The following CHCHD7 variants were observed in gnomAD, a reference collection of about 807,000 sequenced individuals.
CHCHD7 encodes coiled-coil-helix-coiled-coil-helix domain-containing protein 7.
A neutral mutation model predicts 10.5 loss-of-function variants in CHCHD7; 7 were observed. That is an observed-to-expected ratio of 0.67 (90% confidence interval 0.38 to 1.25). The LOEUF (loss-of-function observed/expected upper bound fraction) is 1.25, where lower values mean the gene tolerates loss of function less well. Ranked by LOEUF, CHCHD7 falls within the 50% of genes most tolerant of loss-of-function variation. The probability of loss-of-function intolerance (pLI) is 0.02; values close to 1 mark genes in which losing one functional copy is unlikely to be tolerated. For missense variants in CHCHD7, 100 were observed against 104.5 expected (o/e 0.96, Z 0.19); for synonymous variants, 40 against 36.0 (o/e 1.11, Z -0.40).
chr8:56,216,682 G>A lies in CHCHD7; in HGVS notation c.153+151G>A, dbSNP rs115836757. The A allele has an allele frequency of 2.0e-3, 1,648 of 839,610 alleles. 14 individuals carry two copies. The African/African-American group carries it at 0.025, about 13-fold the overall frequency. The allele number at this position is 839,610 out of a possible 1,614,324, so 52.0% of individuals were successfully genotyped here. On this transcript the variant is annotated intron_variant, in intron 3 of 3. Coordinates refer to ENST00000355315, the MANE Select transcript of CHCHD7 (RefSeq NM_001011671.3). ...TTATCCTCTGTGTGCTACTTTAGCC[G>A]TGAAAGATCCTTGAGAGCTCTTGTT...
rs558514670 is a variant in CHCHD7 at position 56,215,969 on chromosome 8, T to C, written c.55-464T>C. On this transcript the variant is annotated intron_variant, in intron 2 of 3. Coordinates refer to ENST00000355315, the MANE Select transcript of CHCHD7 (RefSeq NM_001011671.3). ...AATGGTGTTAATTTAGGTTGTCTTG[T>C]TGTAGACCAGTTATTAGTGATTTAC... Among the ~76,000 whole-genome samples, 88 of 152,370 alleles carry C rather than the reference T, an allele frequency of 5.8e-4. 1 individual carries two copies. In the South Asian group the frequency reaches 0.018, roughly 31 times the overall value.
chr8:56,216,610 A>T, intron 3 of CHCHD7, 79 bp downstream of exon 3: 1 of 1,444,884 alleles, frequency 6.9e-7, no homozygotes, highest in South Asian at 1.2e-5. Flanking sequence ...GTCAGTACCC[A>T]CAATCCTTTC....
chr8:56,212,796 T>C (rs1456037660), intron 1 of CHCHD7: 3 of 1,165,620 alleles, frequency 2.6e-6, no homozygotes, highest in Non-Finnish European at 3.9e-6. Context: ...AGGAGGGGAC[T>C]TTCGGAAATC....
Position 56,217,376 on chromosome 8 carries a change from A to T in CHCHD7, c.199A>T (p.Met67Leu). 1 of 1,612,990 alleles carries T rather than the reference A, an allele frequency of 6.2e-7. No individual in the cohort carries two copies. Among genetic ancestry groups the T allele is most frequent in the Non-Finnish European group, 8.5e-7 (1 of 1,178,938 alleles). ...AAGAAAGAACGGAGTGAAGCCATTTATGCCTACGGCAGCAGAAAGAGATGA... is the reference window on the plus strand; with the variant it reads ...AAGAAAGAACGGAGTGAAGCCATTTTTGCCTACGGCAGCAGAAAGAGATGA... ...QRRKNGVKPFMPTAAERDEIL... is the reference protein window; with the variant it reads ...QRRKNGVKPFLPTAAERDEIL... Residue 67 changes from methionine (M) to leucine (L), a missense_variant, in exon 4 of 4, where the codon ATG becomes TTG. Met to Leu is a conservative substitution (Grantham distance 15). Transcript: ENST00000355315.
Position 56,217,360 on chromosome 8 carries a change from C to T in CHCHD7, c.183C>T (p.Asn61=), listed in dbSNP as rs372192635. 1.0e-4 allele frequency: 168 copies of T among 1,611,548 alleles called. 1 individual carries two copies. Among genetic ancestry groups the T allele is most frequent in the Non-Finnish European group, 1.3e-4 (159 of 1,177,948 alleles). Reference sequence around the variant, plus strand: ...CTATCGTGATGCAGAGAAGAAAGAACGGAGTGAAGCCATTTATGCCTACGG... The same window carrying T: ...CTATCGTGATGCAGAGAAGAAAGAATGGAGTGAAGCCATTTATGCCTACGG... The part of the protein sequence containing the change: ...WNSIVMQRRK[N]GVKPFMPTAA... The change falls in exon 4 of 4, where the codon AAC becomes AAT. Residue 61 remains asparagine, a synonymous_variant. Transcript: ENST00000355315.
intron 3 of CHCHD7, chr8:56,216,981 C>A (rs1338021530): frequency 4.7e-6 from 2 of 427,724 alleles, no homozygotes; most frequent in Non-Finnish European, 8.6e-6. Context: ...ACCACGGGAT[C>A]CAGCTATTTC....
rs1813443238 is a variant in CHCHD7 at position 56,217,744 on chromosome 8, C to T, written c.*309C>T. The T allele has an allele frequency of 3.6e-6, 1 of 275,230 alleles. No individual in the cohort carries two copies. Among genetic ancestry groups the T allele is most frequent in the Non-Finnish European group, 6.9e-6 (1 of 143,968 alleles). The allele number at this position is 275,230 out of a possible 1,614,324, so 17.0% of individuals were successfully genotyped here. On this transcript the variant is annotated 3_prime_UTR_variant, in exon 4 of 4. Transcript: ENST00000355315. ...AGAGTATGATGTGAACAAGTAAAGA[C>T]TGAATGGGGCTGAGATGAAGGCAAT...
In CHCHD7 at chr8:56,218,714, T is replaced by A. The variant is rs541478145; in HGVS notation, c.*1279T>A. 66 of 200,498 alleles carry A rather than the reference T, an allele frequency of 3.3e-4. No individual in the cohort carries two copies. The highest frequency in any genetic ancestry group is 1.4e-3 in the African/African-American group (63 of 43,610). The allele number at this position is 200,498 out of a possible 1,614,324, so 12.4% of individuals were successfully genotyped here. Reference sequence around the variant, plus strand: ...ACCTGTGTAAGAAGTATTTTTGTATTTTTAAGCACACTTGTTAAAGGGCTT... The same window carrying A: ...ACCTGTGTAAGAAGTATTTTTGTATATTTAAGCACACTTGTTAAAGGGCTT... On this transcript the variant is annotated 3_prime_UTR_variant, in exon 4 of 4. Transcript: ENST00000355315.
At chr8:56,212,098 C>G (rs959347698) in intron 1 of CHCHD7, 1 of 154,032 alleles carries the variant, frequency 6.5e-6, no homozygotes, top group Non-Finnish European at 1.4e-5. Flanking sequence ...CTCTGAAGCG[C>G]AGTTACCGGC....
intron 2 of CHCHD7, chr8:56,215,494 C>G (rs1163658918): frequency 1.3e-5 from 2 of 152,132 alleles, no homozygotes; most frequent in African/African-American, 4.8e-5. Flanking sequence ...AGCTTGCAGC[C>G]TAGATCCCTC....
At chr8:56,214,704 T>G (rs1813240649) in intron 2 of CHCHD7, 37 bp downstream of exon 2, 1 of 1,541,672 alleles carries the variant, frequency 6.5e-7, no homozygotes, top group East Asian at 2.2e-5. Flanking sequence ...GAGTGTTAAG[T>G]TGGAAAAACA....
intron 2 of CHCHD7, 185 bp downstream of exon 2, chr8:56,214,852 A>C (rs1414912288): frequency 2.0e-6 from 1 of 490,666 alleles, no homozygotes; most frequent in East Asian, 3.0e-5. Flanking sequence ...ACAAACATTC[A>C]TCTTTTCTTT....
Position 56,216,492 on chromosome 8 carries a change from C to CA in CHCHD7, c.115dup (p.Thr39AsnfsTer37). 6.2e-7 allele frequency: 1 copy of CA among 1,614,138 alleles called. No homozygotes were observed. The highest frequency in any genetic ancestry group is 2.2e-5 in the East Asian group (1 of 44,880). On this transcript the variant is annotated frameshift_variant, in exon 3 of 4. Transcript: ENST00000355315. LOFTEE classifies it high-confidence loss of function. ...ATAACTATGACAGGGAAAGGTGTTC[C>CA]ACTTACTTCTTGAGGTACAAAAACT...
At chr8:56,216,843 T>C (rs1189586241) in intron 3 of CHCHD7, 2 of 643,182 alleles carry the variant, frequency 3.1e-6, no homozygotes, top group Non-Finnish European at 5.6e-6. Context: ...ACAGAATGTT[T>C]AACTTCCCTT....
chr8:56,212,156 A>G (rs1813017413), intron 1 of CHCHD7: 1 of 151,226 alleles, frequency 6.6e-6, no homozygotes, highest in Non-Finnish European at 1.5e-5. Context: ...CTCTCTCGGC[A>G]TGGTCTCGGC....
rs1371379854 is a variant in CHCHD7, at chr8:56,215,553, G to GGGATCTAATAGCATTAGATGA, written c.55-878_55-858dup. ...GTTCGTGATATTAGATCCCACAATAGGGATCTAATAGCATTAGATGAGAAT... is the reference window on the plus strand; with the variant it reads ...GTTCGTGATATTAGATCCCACAATAGGGATCTAATAGCATTAGATGAGGATCTAATAGCATTAGATGAGAAT... On this transcript the variant is annotated intron_variant, in intron 2 of 3. Coordinates refer to ENST00000355315, the MANE Select transcript of CHCHD7 (RefSeq NM_001011671.3). The GGGATCTAATAGCATTAGATGA allele has an allele frequency of 5.9e-5, 9 of 152,254 alleles. No homozygotes were observed. In the South Asian group the frequency reaches 1.7e-3, roughly 28 times the overall value. 9.4% of individuals were successfully genotyped at this position (152,254 alleles called of 1,614,324 possible). A position where few individuals can be genotyped will look rare whatever the true frequency, so the allele number is the denominator to read the frequency against.
Position 56,217,634 on chromosome 8 carries a change from G to A in CHCHD7, c.*199G>A. On this transcript the variant is annotated 3_prime_UTR_variant, in exon 4 of 4. Transcript: ENST00000355315. The stretch of plus-strand genomic sequence containing the variant: ...GGTATGTTGCTGTTGGCTGTGTTGT[G>A]GCATGAGTTTGCATGACTTTCTGGA... The A allele has an allele frequency of 2.2e-6, 1 of 451,448 alleles. No individual in the cohort carries two copies. The highest frequency in any genetic ancestry group is 4.0e-6 in the Non-Finnish European group (1 of 251,162). The allele number at this position is 451,448 out of a possible 1,614,324, so 28.0% of individuals were successfully genotyped here.
chr8:56,216,938 G>T (rs1442812259), intron 3 of CHCHD7: 1 of 461,100 alleles, frequency 2.2e-6, no homozygotes, highest in African/African-American at 2.0e-5. Context: ...CCATTTTTCT[G>T]AAAACATTGG....
chr8:56,216,399 A>G (rs371272586), intron 2 of CHCHD7, 34 bp from the exon 3 acceptor site: 15 of 1,613,334 alleles, frequency 9.3e-6, no homozygotes, highest in African/African-American at 2.7e-5. Context: ...ATCCTGTTCT[A>G]CCTTTTAAAT....
Sources: gnomAD v4.1 joint callset for allele counts (sites outside exome capture counted in the v4.1 genomes callset) on GRCh38, gnomAD v4.1.1 for gene constraint, MANE v1.5 for transcripts, NCBI Gene and HGNC (gene_info 2026-07-23, HGNC 2026-07-21) for gene names.